The following ADGRD1 variants were observed in gnomAD, a reference collection of about 807,000 sequenced individuals.
ADGRD1 encodes G-protein coupled receptor 133.
In ADGRD1, 77 loss-of-function variants were observed where a neutral mutation model predicts 113.4. The ratio of observed to expected loss-of-function variants is 0.68; its 90% CI spans 0.57 to 0.82. ADGRD1 has a LOEUF of 0.82. Among genes scored for constraint, ADGRD1 ranks in the 40% least tolerant of loss-of-function variants. The probability of loss-of-function intolerance (pLI) is 0.00; values close to 1 mark genes in which losing one functional copy is unlikely to be tolerated. For synonymous variants in ADGRD1, 474 were observed against 475.0 expected, an observed-to-expected ratio of 1.00 and a Z score of 0.03; for missense variants, 1,036 against 1,139.1, an observed-to-expected ratio of 0.91 and a Z score of 1.30.
At chr12:131,081,593 T>C (rs1886073874) in intron 14 of ADGRD1, among the ~76,000 whole-genome samples, 1 of 152,152 alleles carries the variant, frequency 6.6e-6, no homozygotes. Flanking sequence ...GCCCGTTCTG[T>C]GTGCTGTTGT....
chr12:130,978,254 T>C (rs1872559010), intron 4 of ADGRD1: 2 of 152,234 alleles, frequency 1.3e-5, no homozygotes, highest in Admixed American at 1.3e-4. Context: ...TTGAGTTTGT[T>C]ACGGTAATTT....
At chr12:131,116,252 G>C (rs1950460509) in intron 18 of ADGRD1, among the ~76,000 whole-genome samples, 1 of 152,160 alleles carries the variant, frequency 6.6e-6, no homozygotes, top group African/African-American at 2.4e-5. Flanking sequence ...AGCTCACATA[G>C]GGAAACTCAA....
At position 131,120,245 on chromosome 12, in the gene ADGRD1, C is replaced by T. The variant is rs146198402; in HGVS notation, c.2109-602C>T. On this transcript the variant is annotated intron_variant, in intron 19 of 24. Transcript: ENST00000261654. ...AAGATGAGAGGTCCTAGGGACTCTT[C>T]GGCTCTTGACAGTGCCGTAGGCTCT... Among the ~76,000 whole-genome samples, 1,423 of 152,230 alleles carry T rather than the reference C, an allele frequency of 9.3e-3. 9 individuals are homozygous for T. The highest frequency in any genetic ancestry group is 0.02 in the African/African-American group (811 of 41,538).
chr12:131,070,571 T>G (rs1029732038), intron 13 of ADGRD1: 1 of 231,480 alleles, frequency 4.3e-6, no homozygotes, highest in Non-Finnish European at 9.1e-6. Flanking sequence ...GCTTTAGAAG[T>G]TGACCTGCTG....
chr12:130,997,068 T>G (rs2136691230), intron 8 of ADGRD1, among the ~76,000 whole-genome samples: 2 of 118,882 alleles, frequency 1.7e-5, no homozygotes, highest in South Asian at 3.2e-4. Context: ...GGCTCCTCAC[T>G]TCCCAGTAGG....
chr12:131,095,927 C>T (rs1725823), intron 15 of ADGRD1, among the ~76,000 whole-genome samples: 16,461 of 152,132 alleles, frequency 0.11, 946 homozygotes, highest in Middle Eastern at 0.12. Flanking sequence ...AGATGATACA[C>T]GCATGTGGGA....
intron 13 of ADGRD1, among the ~76,000 whole-genome samples, chr12:131,062,563 C>T (rs1055135195): frequency 6.6e-6 from 1 of 152,110 alleles, no homozygotes; most frequent in African/African-American, 2.4e-5. Context: ...CACTTTCCCC[C>T]ATACTGTTCT....
At chr12:131,017,929 C>T (rs945975170) in intron 13 of ADGRD1, among the ~76,000 whole-genome samples, 9 of 152,116 alleles carry the variant, frequency 5.9e-5, no homozygotes, top group African/African-American at 9.7e-5. Context: ...CCAGCACAGA[C>T]ACACACTCAG....
At chr12:131,104,790 G>T (rs528570196) in intron 15 of ADGRD1, 41 bp from the exon 16 acceptor site, 100 of 1,415,350 alleles carry the variant, frequency 7.1e-5, no homozygotes, top group Non-Finnish European at 9.4e-5. Flanking sequence ...CCGATGGGGT[G>T]CCTGGGCCTG....
intron 2 of ADGRD1, chr12:130,958,129 G>A (rs147199570): frequency 0.014 from 2,124 of 150,514 alleles, 56 homozygotes; most frequent in African/African-American, 0.05. Context: ...TTTGTTTCCT[G>A]TCTCATTTTC....
chr12:131,103,196 C>T (rs182830120), intron 15 of ADGRD1, among the ~76,000 whole-genome samples: 205 of 152,388 alleles, frequency 1.3e-3, no homozygotes, highest in African/African-American at 4.7e-3. Context: ...CTGCCCAGCC[C>T]TCAGCCTCTC....
intron 6 of ADGRD1, chr12:130,987,565 T>C (rs765844486): frequency 1.5e-5 from 9 of 594,542 alleles, no homozygotes; most frequent in Non-Finnish European, 2.4e-5. Context: ...AGATGAATAT[T>C]GTTCTGTTGA....
At chr12:131,090,497 C>T (rs1054838040) in intron 15 of ADGRD1, among the ~76,000 whole-genome samples, 1 of 152,130 alleles carries the variant, frequency 6.6e-6, no homozygotes. Flanking sequence ...TCCTCCTTGG[C>T]GGTTGTTTCG....
At chr12:131,097,100 C>T (rs1887340536) in intron 15 of ADGRD1, among the ~76,000 whole-genome samples, 1 of 152,176 alleles carries the variant, frequency 6.6e-6, no homozygotes, top group Admixed American at 6.5e-5. Context: ...CCTATGAGGT[C>T]CCCCTTTCTC....
chr12:130,992,683 C>T (rs957234346), intron 8 of ADGRD1, among the ~76,000 whole-genome samples: 49 of 152,226 alleles, frequency 3.2e-4, no homozygotes, highest in African/African-American at 1.0e-3. Flanking sequence ...GTGTGGTTGG[C>T]AACTCCTAGA....
intron 15 of ADGRD1, among the ~76,000 whole-genome samples, chr12:131,088,145 C>T (rs1033074815): frequency 1.3e-5 from 2 of 152,158 alleles, no homozygotes; most frequent in African/African-American, 4.8e-5. Context: ...TGGAGATGGG[C>T]GGACTGCACG....
chr12:130,963,333 AAAAAAAAAAG>A (rs1407349041), intron 2 of ADGRD1, among the ~76,000 whole-genome samples: 2 of 151,318 alleles, frequency 1.3e-5, no homozygotes, highest in African/African-American at 2.4e-5. Flanking sequence ...AAAAAAAAAA[AAAAAAAAAAG>A]AAAGAAAAAT....
In ADGRD1 at chr12:131,060,305, G is replaced by A. The variant is rs145038790; in HGVS notation, c.1474-16496G>A. Among the ~76,000 whole-genome samples, 3 of 152,238 alleles carry A rather than the reference G, an allele frequency of 2.0e-5. No individual in the cohort carries two copies. The highest frequency in any genetic ancestry group is 2.4e-5 in the African/African-American group (1 of 41,454). ...GCTGGGTGGGGCCACACTTTCTCCC[G>A]TGGTATTTGGAGTAGCTAATTACTG... On this transcript the variant is annotated intron_variant, in intron 13 of 24. Coordinates refer to ENST00000261654, the MANE Select transcript of ADGRD1 (RefSeq NM_198827.5). The surrounding 1 kb of genome is among the most constrained non-coding windows in gnomAD (Gnocchi z 4.4).
At chr12:130,959,552 C>G (rs376528039) in intron 2 of ADGRD1, among the ~76,000 whole-genome samples, 152 of 152,306 alleles carry the variant, frequency 1.0e-3, no homozygotes, top group African/African-American at 3.4e-3. Context: ...GCCTTGGTGA[C>G]AGAGTGAGAC....
Sources: gnomAD v4.1 joint callset for allele counts (sites outside exome capture counted in the v4.1 genomes callset) on GRCh38, gnomAD v4.1.1 for gene constraint, Gnocchi (gnomAD v3.1) non-coding constraint, MANE v1.5 for transcripts, NCBI Gene and HGNC (gene_info 2026-07-23, HGNC 2026-07-21) for gene names.